The following CDYL variants were observed in gnomAD, a reference collection of about 807,000 sequenced individuals.
CDYL encodes the protein chromodomain Y like.
A neutral mutation model predicts 47.3 loss-of-function variants in CDYL; 8 were observed. The observed-to-expected ratio is 0.17, with a 90% confidence interval of 0.10 to 0.31. CDYL has a LOEUF of 0.31. Among genes scored for constraint, CDYL ranks in the 10% least tolerant of loss-of-function variants. The probability of loss-of-function intolerance (pLI) is 1.00; values close to 1 mark genes in which losing one functional copy is unlikely to be tolerated. For missense variants in CDYL, 471 were observed against 701.4 expected (o/e 0.67, Z 3.71); for synonymous variants, 266 against 265.0 (o/e 1.00, Z -0.04).
chr6:4,720,870 T>C (rs1385789514), intron 2 of CDYL, among the ~76,000 whole-genome samples: 1 of 152,218 alleles, frequency 6.6e-6, no homozygotes, highest in African/African-American at 2.4e-5. Flanking sequence ...GCCTATTTAC[T>C]AAAGCAGTAT....
intron 1 of CDYL, chr6:4,836,371 G>T: frequency 1.8e-6 from 1 of 543,610 alleles, no homozygotes; most frequent in Non-Finnish European, 2.3e-6. Context: ...AGAGGAGTTG[G>T]GATTTTAAAC....
chr6:4,725,816 G>A (rs1389412084), intron 2 of CDYL, among the ~76,000 whole-genome samples: 2 of 152,268 alleles, frequency 1.3e-5, no homozygotes, highest in Non-Finnish European at 2.9e-5. Flanking sequence ...CCGAGGAGGC[G>A]CCGAGAGCGA....
At chr6:4,890,398 C>G (rs1373653577) in intron 1 of CDYL, among the ~76,000 whole-genome samples, 1 of 152,164 alleles carries the variant, frequency 6.6e-6, no homozygotes, top group South Asian at 2.1e-4. Context: ...GACGTTAATT[C>G]TGACTCTGTG....
intron 1 of CDYL, among the ~76,000 whole-genome samples, chr6:4,803,820 G>C (rs1759293052): frequency 6.8e-6 from 1 of 147,514 alleles, no homozygotes; most frequent in Non-Finnish European, 1.5e-5. Flanking sequence ...ATTTTTAAAA[G>C]TAGTTAAAAG....
chr6:4,865,074 AAAC>A (rs1341004470), intron 1 of CDYL, among the ~76,000 whole-genome samples: 2 of 152,166 alleles, frequency 1.3e-5, no homozygotes, highest in Non-Finnish European at 1.5e-5. Context: ...TAGTTTCAGT[AAAC>A]AACTTTCCTG....
intron 1 of CDYL, among the ~76,000 whole-genome samples, chr6:4,846,213 A>AT (rs1304369539): frequency 1.3e-5 from 2 of 150,270 alleles, no homozygotes; most frequent in Non-Finnish European, 3.0e-5. Context: ...GGATATGGCT[A>AT]TTTTTTCAGA....
intron 2 of CDYL, among the ~76,000 whole-genome samples, chr6:4,731,902 G>T: frequency 6.6e-6 from 1 of 152,060 alleles, no homozygotes; most frequent in Non-Finnish European, 1.5e-5. Context: ...TGGAAGGAGG[G>T]GGAAGATGGT....
chr6:4,861,132 A>G (rs148285168), intron 1 of CDYL, among the ~76,000 whole-genome samples: 174 of 152,400 alleles, frequency 1.1e-3, no homozygotes, highest in African/African-American at 3.9e-3. Context: ...GAAGAGTTAA[A>G]ACATAAATAT....
intron 1 of CDYL, among the ~76,000 whole-genome samples, chr6:4,832,552 C>A (rs1335387460): frequency 6.6e-6 from 1 of 151,074 alleles, no homozygotes; most frequent in Non-Finnish European, 1.5e-5. Context: ...TTGGTTGTGT[C>A]TCTGCCTGGC....
chr6:4,782,044 T>G (rs1581163255), intron 1 of CDYL, among the ~76,000 whole-genome samples: 1 of 139,440 alleles, frequency 7.2e-6, no homozygotes, highest in Non-Finnish European at 1.5e-5. Context: ...TTCAGACCCT[T>G]AGGCTCTGCG....
chr6:4,805,178 C>G (rs893081766), intron 1 of CDYL, among the ~76,000 whole-genome samples: 1 of 152,188 alleles, frequency 6.6e-6, no homozygotes, highest in Non-Finnish European at 1.5e-5. Context: ...GCTTTTTACT[C>G]TAAACTTAAG....
chr6:4,861,014 A>G (rs1346430291), intron 1 of CDYL, among the ~76,000 whole-genome samples: 4 of 152,220 alleles, frequency 2.6e-5, no homozygotes, highest in Non-Finnish European at 5.9e-5. Flanking sequence ...ATTCCAATCA[A>G]GTTGACATTC....
At chr6:4,847,283 C>G (rs1760690323) in intron 1 of CDYL, among the ~76,000 whole-genome samples, 1 of 152,184 alleles carries the variant, frequency 6.6e-6, no homozygotes, top group African/African-American at 2.4e-5. Flanking sequence ...CTTGCCGCCC[C>G]CATCCGTCCC....
chr6:4,940,266 A>G (rs1036217013), intron 4 of CDYL, among the ~76,000 whole-genome samples: 4 of 152,232 alleles, frequency 2.6e-5, no homozygotes, highest in Non-Finnish European at 5.9e-5. Context: ...TTATGTGACT[A>G]TATTTTTGTC....
At position 4,910,860 on chromosome 6, in the gene CDYL, G is replaced by A. The variant is rs1248416337; in HGVS notation, c.691+18481G>A. Reference sequence around the variant, plus strand: ...TTTTTTTTTTTTTCCCCAAGACGGAGTCTCTCTCTGTCGCCCAGGCTGGAG... The same window carrying A: ...TTTTTTTTTTTTTCCCCAAGACGGAATCTCTCTCTGTCGCCCAGGCTGGAG... On this transcript the variant is annotated intron_variant, in intron 2 of 6. Coordinates refer to ENST00000397588, the MANE Select transcript of CDYL (RefSeq NM_004824.4). 2.0e-5 allele frequency among the ~76,000 whole-genome samples: 3 copies of A among 151,178 alleles called. No individual in the cohort carries two copies. The East Asian group carries it at 5.8e-4, about 29-fold the overall frequency.
chr6:4,833,967 C>G (rs1229273368), intron 1 of CDYL, among the ~76,000 whole-genome samples: 1 of 151,552 alleles, frequency 6.6e-6, no homozygotes, highest in African/African-American at 2.4e-5. Flanking sequence ...CTATGTGTGT[C>G]TCTGCATGTG....
chr6:4,945,401 G>A (rs1336824713), intron 5 of CDYL, among the ~76,000 whole-genome samples: 1 of 152,074 alleles, frequency 6.6e-6, no homozygotes, highest in Non-Finnish European at 1.5e-5. Context: ...CCCCAGTGCC[G>A]CACTGGTCTC....
Position 4,776,780 on chromosome 6 carries a change from C to A in CDYL, c.-4C>A. 8.2e-7 allele frequency: 1 copy of A among 1,213,746 alleles called. No individual in the cohort carries two copies. Among genetic ancestry groups the A allele is most frequent in the South Asian group, 1.6e-5 (1 of 63,838 alleles). 75.2% of individuals were successfully genotyped at this position (1,213,746 alleles called of 1,614,324 possible). ...CCCTCCCGCCCGCAACTCCGCCGCCCACCATGGCTTCCGAGGAGCTGTACG... is the reference window on the plus strand; with the variant it reads ...CCCTCCCGCCCGCAACTCCGCCGCCAACCATGGCTTCCGAGGAGCTGTACG... On this transcript the variant is annotated 5_prime_UTR_variant, in exon 1 of 7. Coordinates refer to ENST00000397588, the MANE Select transcript of CDYL (RefSeq NM_004824.4).
At chr6:4,864,645 C>G (rs808599) in intron 1 of CDYL, among the ~76,000 whole-genome samples, 7,235 of 152,156 alleles carry the variant, frequency 0.048, 563 homozygotes, top group African/African-American at 0.17. Context: ...TGTTGTGACA[C>G]TGAATAAGTC....
Sources: allele counts gnomAD v4.1 joint callset (sites outside exome capture counted in the v4.1 genomes callset), GRCh38; gene constraint gnomAD v4.1.1; transcripts MANE v1.5; gene names NCBI Gene and HGNC (gene_info 2026-07-23, HGNC 2026-07-21).